Variants in CMTM8 observed in about 807,000 individuals in gnomAD.
The protein encoded by CMTM8 is CKLF like MARVEL transmembrane domain containing 8, also known as CKLF-like MARVEL transmembrane domain-containing protein 8.
A neutral mutation model predicts 18.6 loss-of-function variants in CMTM8; 12 were observed. The ratio of observed to expected loss-of-function variants is 0.65; its 90% confidence interval spans 0.41 to 1.05. CMTM8 has a LOEUF of 1.05. Among genes scored for constraint, CMTM8 ranks in the 50% least tolerant of loss-of-function variants. The probability of loss-of-function intolerance (pLI) is 0.00; values close to 1 mark genes in which losing one functional copy is unlikely to be tolerated. For synonymous variants in CMTM8, 87 were observed against 90.6 expected, an observed-to-expected ratio of 0.96 and a Z score of 0.23; for missense variants, 217 against 227.2, an observed-to-expected ratio of 0.95 and a Z score of 0.29.
chr3:32,363,968 A>G (rs1164836093), intron 2 of CMTM8, among the ~76,000 whole-genome samples: 2 of 152,156 alleles, frequency 1.3e-5, no homozygotes, highest in Non-Finnish European at 2.9e-5. Flanking sequence ...GCCCAGACCC[A>G]ATCTCTTCTG....
At chr3:32,365,892 G>C (rs1388761974) in intron 2 of CMTM8, among the ~76,000 whole-genome samples, 2 of 152,158 alleles carry the variant, frequency 1.3e-5, no homozygotes. Context: ...AAGACCTCAT[G>C]TTTCTATGAA....
chr3:32,285,376 G>C (rs1404375104), intron 1 of CMTM8, among the ~76,000 whole-genome samples: 6 of 151,986 alleles, frequency 3.9e-5, no homozygotes, highest in African/African-American at 1.5e-4. Flanking sequence ...TCAACTGGGC[G>C]TGTTGGCACA....
rs1423177495 is a variant in CMTM8 at position 32,247,618 on chromosome 3, G to A, written c.147+8499G>A. On this transcript the variant is annotated intron_variant, in intron 1 of 3. Coordinates refer to ENST00000307526, the MANE Select transcript of CMTM8 (RefSeq NM_178868.5). ...TGAGATTACAGGCGTGCACCACCAC[G>A]CCCAGCTAATTTTTGTATTTTTAGT... is the stretch of plus-strand genomic sequence containing the variant. 4.0e-5 allele frequency among the ~76,000 whole-genome samples: 6 copies of A among 151,720 alleles called. No individual in the cohort carries two copies. In the East Asian group the frequency reaches 7.7e-4, roughly 20 times the overall value.
intron 1 of CMTM8, among the ~76,000 whole-genome samples, chr3:32,264,906 T>C (rs1310311136): frequency 6.6e-6 from 1 of 152,170 alleles, no homozygotes; most frequent in Non-Finnish European, 1.5e-5. Context: ...GAGCTGACTA[T>C]CCTAAATATA....
chr3:32,261,459 G>A (rs1158318917), intron 1 of CMTM8, among the ~76,000 whole-genome samples: 1 of 152,088 alleles, frequency 6.6e-6, no homozygotes, highest in Admixed American at 6.6e-5. Flanking sequence ...AATTCAAGAG[G>A]CATTTATTCC....
At chr3:32,240,002 G>A (rs182733372) in intron 1 of CMTM8, among the ~76,000 whole-genome samples, 1 of 152,364 alleles carries the variant, frequency 6.6e-6, no homozygotes, top group Non-Finnish European at 1.5e-5. Context: ...GCAGGGCCGT[G>A]CTCATAACTG....
At chr3:32,364,508 A>T (rs1418079161) in intron 2 of CMTM8, among the ~76,000 whole-genome samples, 3 of 151,602 alleles carry the variant, frequency 2.0e-5, no homozygotes, top group Admixed American at 6.6e-5. Flanking sequence ...GTCTCAAAAG[A>T]AAAAAAAAGA....
chr3:32,290,206 A>C (rs1026666652), intron 1 of CMTM8, among the ~76,000 whole-genome samples: 2 of 152,258 alleles, frequency 1.3e-5, no homozygotes, highest in Non-Finnish European at 2.9e-5. Context: ...AATAGTGTTC[A>C]GCATGATTGC....
chr3:32,246,547 A>T (rs1221843208), intron 1 of CMTM8, among the ~76,000 whole-genome samples: 1 of 152,110 alleles, frequency 6.6e-6, no homozygotes, highest in Admixed American at 6.5e-5. Flanking sequence ...CCCTACTCAG[A>T]TTACCCAATC....
At chr3:32,265,927 A>G (rs1224354237) in intron 1 of CMTM8, among the ~76,000 whole-genome samples, 2 of 152,256 alleles carry the variant, frequency 1.3e-5, no homozygotes, top group Admixed American at 1.3e-4. Flanking sequence ...CTCTGAATAG[A>G]CCAATAACAG....
chr3:32,244,482 A>T (rs1701985325), intron 1 of CMTM8, among the ~76,000 whole-genome samples: 1 of 152,222 alleles, frequency 6.6e-6, no homozygotes, highest in South Asian at 2.1e-4. Context: ...CGTTGCGGCC[A>T]GAAGATTTTT....
chr3:32,272,890 C>T (rs1702459567), intron 1 of CMTM8, among the ~76,000 whole-genome samples: 1 of 152,056 alleles, frequency 6.6e-6, no homozygotes, highest in South Asian at 2.1e-4. Flanking sequence ...TTAAATGGGC[C>T]CTTTGCTTTG....
intron 2 of CMTM8, among the ~76,000 whole-genome samples, chr3:32,361,664 T>G (rs888005231): frequency 1.3e-5 from 2 of 152,142 alleles, no homozygotes; most frequent in Non-Finnish European, 2.9e-5. Context: ...GAACTTTGCA[T>G]TGGAATCTTA....
At chr3:32,239,884 A>G (rs952983688) in intron 1 of CMTM8, among the ~76,000 whole-genome samples, 9 of 152,058 alleles carry the variant, frequency 5.9e-5, no homozygotes, top group Non-Finnish European at 1.2e-4. Context: ...ATGTCCTCAT[A>G]CCCTCGTGTA....
At chr3:32,242,987 G>A (rs905273750) in intron 1 of CMTM8, among the ~76,000 whole-genome samples, 4 of 151,828 alleles carry the variant, frequency 2.6e-5, no homozygotes, top group Admixed American at 6.6e-5. Flanking sequence ...CTGCCTCCTG[G>A]GTTCAGGCAA....
chr3:32,336,543 A>G (rs1260636725), intron 1 of CMTM8, among the ~76,000 whole-genome samples: 1 of 152,226 alleles, frequency 6.6e-6, no homozygotes, highest in Admixed American at 6.5e-5. Context: ...AGATAATCAT[A>G]TCTCCATCAT....
intron 1 of CMTM8, among the ~76,000 whole-genome samples, chr3:32,266,312 A>T (rs1406073981): frequency 1.3e-5 from 2 of 152,250 alleles, no homozygotes; most frequent in African/African-American, 4.8e-5. Flanking sequence ...ATGCAAATCA[A>T]TAAACATAAT....
intron 1 of CMTM8, among the ~76,000 whole-genome samples, chr3:32,333,561 C>T (rs566846478): frequency 3.3e-5 from 5 of 150,310 alleles, no homozygotes; most frequent in Non-Finnish European, 4.4e-5. Flanking sequence ...TTCTAAAGAC[C>T]GAACCATTTC....
At chr3:32,347,398 G>A (rs866667643) in intron 1 of CMTM8, among the ~76,000 whole-genome samples, 2 of 150,916 alleles carry the variant, frequency 1.3e-5, no homozygotes, top group African/African-American at 4.9e-5. Context: ...TGACGGGGCT[G>A]GACTATTTAC....
Sources: gnomAD v4.1 joint callset for allele counts (sites outside exome capture counted in the v4.1 genomes callset) on GRCh38, gnomAD v4.1.1 for gene constraint, MANE v1.5 for transcripts, NCBI Gene and HGNC (gene_info 2026-07-23, HGNC 2026-07-21) for gene names.